The following HIBCH variants were observed in gnomAD, a reference collection of about 807,000 sequenced individuals.
The protein encoded by HIBCH is 3-hydroxyisobutyryl-CoA hydrolase.
In HIBCH, 50 loss-of-function variants were observed where a neutral mutation model predicts 58.2. The ratio of observed to expected loss-of-function variants is 0.86; its 90% CI spans 0.68 to 1.09. The LOEUF (loss-of-function observed/expected upper bound fraction) is 1.09, where lower values mean the gene tolerates loss of function less well. Ranked by LOEUF, HIBCH falls within the 50% of genes least tolerant of loss-of-function variation. The pLI, the probability that HIBCH is intolerant of heterozygous loss-of-function variation, is 0.00. For synonymous variants in HIBCH, 151 were observed against 146.9 expected, an observed-to-expected ratio of 1.03 and a Z score of -0.20; for missense variants, 450 against 449.7, an observed-to-expected ratio of 1.00 and a Z score of -0.01.
intron 1 of HIBCH, among the ~76,000 whole-genome samples, chr2:190,317,192 A>T (rs1688726255): frequency 6.6e-6 from 1 of 152,194 alleles, no homozygotes; most frequent in South Asian, 2.1e-4. Context: ...ATGAACCACC[A>T]CACCCAGCGA....
intron 2 of HIBCH, among the ~76,000 whole-genome samples, chr2:190,298,766 A>G (rs1312854832): frequency 1.3e-5 from 2 of 152,038 alleles, no homozygotes; most frequent in African/African-American, 2.4e-5. Flanking sequence ...CCATTTGTCA[A>G]TTTTGGCTTT....
chr2:190,252,364 T>G, intron 7 of HIBCH, 57 bp from the exon 8 acceptor site: 1 of 1,461,274 alleles, frequency 6.8e-7, no homozygotes. Flanking sequence ...AAGATAAATA[T>G]AACCTTTTTG....
At chr2:190,292,195 C>T (rs1431200812) in intron 4 of HIBCH, among the ~76,000 whole-genome samples, 4 of 152,016 alleles carry the variant, frequency 2.6e-5, no homozygotes, top group Non-Finnish European at 4.4e-5. Context: ...TTGGCCAGGC[C>T]GGTCTCGAAC....
chr2:190,190,294 C>T (rs1489106869), intron 1 of HIBCH, among the ~76,000 whole-genome samples: 1 of 152,196 alleles, frequency 6.6e-6, no homozygotes, highest in African/African-American at 2.4e-5. Flanking sequence ...ATTGTCCAAT[C>T]TTGAAATTCA....
chr2:190,240,586 C>G (rs2105929109), intron 11 of HIBCH, among the ~76,000 whole-genome samples: 1 of 152,236 alleles, frequency 6.6e-6, no homozygotes, highest in East Asian at 1.9e-4. Flanking sequence ...GTAAGGGTGT[C>G]AATTTTAGAT....
At chr2:190,294,501 C>T (rs373260436) in intron 4 of HIBCH, 45 bp downstream of exon 4, 7 of 1,215,344 alleles carry the variant, frequency 5.8e-6, no homozygotes, top group African/African-American at 1.5e-5. Flanking sequence ...TTGATCAGTT[C>T]TAGTAGGGGG....
At chr2:190,302,738 G>A (rs945146643) in intron 2 of HIBCH, among the ~76,000 whole-genome samples, 1 of 152,126 alleles carries the variant, frequency 6.6e-6, no homozygotes, top group African/African-American at 2.4e-5. Context: ...GGTCCCCTTG[G>A]CTGAGAGGGG....
At chr2:190,190,054 A>G (rs1370939889) in intron 1 of HIBCH, 3 of 152,240 alleles carry the variant, frequency 2.0e-5, no homozygotes, top group Non-Finnish European at 4.4e-5. Flanking sequence ...AATGTTCTCA[A>G]AAACTGTTCT....
rs1461218279 is a variant in HIBCH, at chr2:190,206,165, G to C, written c.1046-933C>G. ...AAGAAGCAGTATGGGAACCAAGGAAGAAGACTGCCTTGGTAGGTGGAGGGA... is the reference window on the plus strand; with the variant it reads ...AAGAAGCAGTATGGGAACCAAGGAACAAGACTGCCTTGGTAGGTGGAGGGA... On this transcript the variant is annotated intron_variant, in intron 13 of 13. Coordinates refer to ENST00000359678, the MANE Select transcript of HIBCH (RefSeq NM_014362.4). This position sits in a 1 kb window ranked among gnomAD's most constrained non-coding sequence, Gnocchi z 5.1. 6.6e-6 allele frequency among the ~76,000 whole-genome samples: 1 copy of C among 152,220 alleles called. No homozygotes were observed. The highest frequency in any genetic ancestry group is 1.5e-5 in the Non-Finnish European group (1 of 68,026).
At position 190,233,541 on chromosome 2, in the gene HIBCH, C is replaced by G. The variant is rs76708395; in HGVS notation, c.891+11346G>C. On this transcript the variant is annotated intron_variant, in intron 11 of 13. Coordinates refer to ENST00000359678, the MANE Select transcript of HIBCH (RefSeq NM_014362.4). ...TGCCATAATTTTGAGGCCTCCCCAG[C>G]CTCAATGAAATATAAGTCCATTAAA... Among the ~76,000 whole-genome samples, 1,017 of 152,286 alleles carry G rather than the reference C, an allele frequency of 6.7e-3. 12 individuals are homozygous for G. The highest frequency in any genetic ancestry group is 0.022 in the African/African-American group (923 of 41,548).
chr2:190,284,259 G>A (rs1391859697), intron 6 of HIBCH, among the ~76,000 whole-genome samples: 1 of 151,918 alleles, frequency 6.6e-6, no homozygotes, highest in Non-Finnish European at 1.5e-5. Context: ...AATATTCTTG[G>A]TTGTTACATA....
At position 190,211,483 on chromosome 2, in the gene HIBCH, C is replaced by T. The variant is rs1003190694; in HGVS notation, c.1011+1473G>A. On this transcript the variant is annotated intron_variant, in intron 12 of 13. Coordinates refer to ENST00000359678, the MANE Select transcript of HIBCH (RefSeq NM_014362.4). This position sits in a 1 kb window ranked among gnomAD's most constrained non-coding sequence, Gnocchi z 5.0. ...ATCTCCACACAGCAGCAACAATTTC[C>T]TTCTTAAAGCAAATTGAACCGAATG... Among the ~76,000 whole-genome samples the T allele has an allele frequency of 1.3e-5, 2 of 152,198 alleles. No homozygotes were observed. The highest frequency in any genetic ancestry group is 2.9e-5 in the Non-Finnish European group (2 of 68,026).
chr2:190,237,831 C>T (rs1474028199), intron 11 of HIBCH, among the ~76,000 whole-genome samples: 2 of 151,824 alleles, frequency 1.3e-5, no homozygotes, highest in Admixed American at 6.6e-5. Context: ...TTGCCCCCTA[C>T]CCTGATGGGC....
chr2:190,270,339 A>G (rs951323816), intron 6 of HIBCH, among the ~76,000 whole-genome samples: 10 of 151,886 alleles, frequency 6.6e-5, no homozygotes, highest in African/African-American at 2.4e-4. Flanking sequence ...GATTTATACT[A>G]ATGGCAAGAT....
intron 1 of HIBCH, among the ~76,000 whole-genome samples, chr2:190,313,961 A>AT (rs1232006070): frequency 6.6e-6 from 1 of 152,042 alleles, no homozygotes; most frequent in Non-Finnish European, 1.5e-5. Flanking sequence ...ACTTGACTCA[A>AT]TTTTATCTTT....
At chr2:190,198,550 T>G (rs1690084356) in intron 1 of HIBCH, among the ~76,000 whole-genome samples, 1 of 148,572 alleles carries the variant, frequency 6.7e-6, no homozygotes, top group Non-Finnish European at 1.5e-5. Flanking sequence ...AAGGATCACT[T>G]GAACCCAGGA....
At chr2:190,300,727 C>A (rs117287004) in intron 2 of HIBCH, among the ~76,000 whole-genome samples, 1 of 152,048 alleles carries the variant, frequency 6.6e-6, no homozygotes, top group Non-Finnish European at 1.5e-5. Context: ...AATCTTTGCC[C>A]GTTCTTATGT....
chr2:190,289,856 A>T (rs912783980), intron 5 of HIBCH, among the ~76,000 whole-genome samples: 12 of 152,192 alleles, frequency 7.9e-5, no homozygotes, highest in African/African-American at 2.9e-4. Context: ...GAAAGCTACC[A>T]CATGATGAGA....
chr2:190,257,084 T>G (rs1686946885), intron 7 of HIBCH, among the ~76,000 whole-genome samples: 1 of 152,210 alleles, frequency 6.6e-6, no homozygotes. Context: ...TAAACCTAAG[T>G]AGCTCAATAA....
Sources: gnomAD v4.1 joint callset for allele counts (sites outside exome capture counted in the v4.1 genomes callset) on GRCh38, gnomAD v4.1.1 for gene constraint, Gnocchi (gnomAD v3.1) non-coding constraint, MANE v1.5 for transcripts, NCBI Gene and HGNC (gene_info 2026-07-23, HGNC 2026-07-21) for gene names.